The following ITGA4 variants were observed in gnomAD, a reference collection of about 807,000 sequenced individuals.
ITGA4 encodes the protein integrin subunit alpha 4.
ITGA4 carries 63 observed loss-of-function variants against 133.6 expected under a neutral mutation model. The observed-to-expected ratio is 0.47, with a 90% CI of 0.38 to 0.58. ITGA4 has a LOEUF of 0.58. Among genes scored for constraint, ITGA4 ranks in the 20% least tolerant of loss-of-function variants. The pLI is 0.00. For synonymous variants in ITGA4, 483 were observed against 438.0 expected (o/e 1.10, Z -1.28); for missense variants, 1,076 against 1,252.7 (o/e 0.86, Z 2.13).
intron 18 of ITGA4, among the ~76,000 whole-genome samples, chr2:181,522,979 A>G (rs1417986303): frequency 6.6e-6 from 1 of 152,202 alleles, no homozygotes; most frequent in African/African-American, 2.4e-5. Flanking sequence ...CCTTAAACAC[A>G]TTCTCACATA....
intron 4 of ITGA4, among the ~76,000 whole-genome samples, chr2:181,477,367 G>T (rs1331523872): frequency 1.3e-5 from 2 of 151,982 alleles, no homozygotes; most frequent in Admixed American, 6.6e-5. Flanking sequence ...AAACAAATGA[G>T]ACTATATTAG....
intron 11 of ITGA4, among the ~76,000 whole-genome samples, 174 bp downstream of exon 11, chr2:181,493,593 C>T (rs1433702939): frequency 6.6e-6 from 1 of 152,190 alleles, no homozygotes; most frequent in Non-Finnish European, 1.5e-5. Flanking sequence ...AATAACTCTT[C>T]AAACTCCCTT....
chr2:181,488,566 AT>A (rs533015676), intron 10 of ITGA4, among the ~76,000 whole-genome samples: 12 of 147,586 alleles, frequency 8.1e-5, no homozygotes, highest in Admixed American at 4.1e-4. Context: ...TTTTTATTTT[AT>A]TTTTTTTTTG....
At chr2:181,467,588 G>A (rs776092844) in intron 2 of ITGA4, among the ~76,000 whole-genome samples, 14 of 152,154 alleles carry the variant, frequency 9.2e-5, no homozygotes, top group Admixed American at 3.9e-4. Context: ...GAGGAAAAGA[G>A]CAGGGCAAGA....
chr2:181,457,916 A>G, intron 1 of ITGA4, 65 bp downstream of exon 1: 2 of 1,431,432 alleles, frequency 1.4e-6, no homozygotes, highest in Non-Finnish European at 9.5e-7. Context: ...CGCCCTAGGG[A>G]TTCCCTGCCC....
At chr2:181,472,940 A>G (rs1161283311) in intron 2 of ITGA4, among the ~76,000 whole-genome samples, 1 of 152,280 alleles carries the variant, frequency 6.6e-6, no homozygotes, top group Middle Eastern at 3.4e-3. Flanking sequence ...TTCCAATTCT[A>G]ATAGCAACCA....
intron 17 of ITGA4, among the ~76,000 whole-genome samples, chr2:181,514,295 A>G (rs544059866): frequency 7.0e-4 from 107 of 152,198 alleles, no homozygotes; most frequent in African/African-American, 2.5e-3. Flanking sequence ...TCAACTAGGA[A>G]TAAGTAAAAA....
chr2:181,519,268 A>C (rs1178720321), intron 17 of ITGA4, among the ~76,000 whole-genome samples: 2 of 152,136 alleles, frequency 1.3e-5, no homozygotes, highest in East Asian at 3.9e-4. Flanking sequence ...AACAAAACCA[A>C]GTTATATTAT....
chr2:181,532,924 T>TTATTGAGAGTTTTTAGCATGAAG (rs1432376405), intron 25 of ITGA4, among the ~76,000 whole-genome samples: 1 of 152,196 alleles, frequency 6.6e-6, no homozygotes, highest in Non-Finnish European at 1.5e-5. Context: ...AACACCTAGT[T>TTATTGAGAGTTTTTAGCATGAAG]TATTGAGAGT....
rs577451391 is a variant in ITGA4, at chr2:181,516,893, C to T, written c.1922+5118C>T. On this transcript the variant is annotated intron_variant, in intron 17 of 27. Transcript: ENST00000397033. This position sits in a 1 kb window ranked among gnomAD's most constrained non-coding sequence, Gnocchi z 4.0. ...GTCCATTTTTAAAATGGAAATAGTA[C>T]GAATATTTGGCTCACTGACAGCATA... Among the ~76,000 whole-genome samples the T allele has an allele frequency of 2.5e-4, 38 of 152,114 alleles. No homozygotes were observed. Among genetic ancestry groups the T allele is most frequent in the Admixed American group, 9.2e-4 (14 of 15,264 alleles).
Position 181,529,655 on chromosome 2 carries a change from A to C in ITGA4, c.2538+7A>C. ...CAACATTTTGGATGTCCAGGTAAAA[A>C]TGTATTTCTTCCATCTAACCTTTAT... On this transcript the variant is annotated splice_region_variant and intron_variant, in intron 23 of 27. Coordinates refer to ENST00000397033, the MANE Select transcript of ITGA4 (RefSeq NM_000885.6). 3 of 1,416,920 alleles carry C rather than the reference A, an allele frequency of 2.1e-6. No individual in the cohort carries two copies. The highest frequency in any genetic ancestry group is 3.0e-6 in the Non-Finnish European group (3 of 1,002,586). The allele number at this position is 1,416,920 out of a possible 1,614,324, so 87.8% of individuals were successfully genotyped here.
At chr2:181,459,183 C>G (rs963239644) in intron 2 of ITGA4, 1 of 152,160 alleles carries the variant, frequency 6.6e-6, no homozygotes, top group Admixed American at 6.5e-5. Flanking sequence ...CTCAGAGTTG[C>G]AAATACCTTT....
chr2:181,505,171 G>T (rs1686368790), intron 15 of ITGA4, among the ~76,000 whole-genome samples: 1 of 152,020 alleles, frequency 6.6e-6, no homozygotes, highest in South Asian at 2.1e-4. Context: ...TGTCTATGTG[G>T]ATTTGTGGAA....
chr2:181,517,290 C>G (rs994983798), intron 17 of ITGA4, among the ~76,000 whole-genome samples: 4 of 151,972 alleles, frequency 2.6e-5, no homozygotes, highest in Non-Finnish European at 5.9e-5. Flanking sequence ...AGCTATCAAG[C>G]CCTAATTCAT....
At chr2:181,499,737 TAACC>T (rs1686231331) in intron 15 of ITGA4, among the ~76,000 whole-genome samples, 1 of 152,224 alleles carries the variant, frequency 6.6e-6, no homozygotes. Flanking sequence ...AATATTAATG[TAACC>T]ATCATTTATA....
At chr2:181,458,368 G>T in intron 2 of ITGA4, 51 bp downstream of exon 2, 1 of 1,588,078 alleles carries the variant, frequency 6.3e-7, no homozygotes, top group Non-Finnish European at 8.6e-7. Flanking sequence ...CCCCCATGTG[G>T]ACCCCACCAT....
intron 15 of ITGA4, among the ~76,000 whole-genome samples, chr2:181,505,898 A>G (rs1686383069): frequency 6.6e-6 from 1 of 152,208 alleles, no homozygotes; most frequent in East Asian, 1.9e-4. Context: ...TCCTACACCT[A>G]GGGAATGATT....
At chr2:181,517,161 T>TAGACTACTTG (rs1240623233) in intron 17 of ITGA4, among the ~76,000 whole-genome samples, 1 of 152,064 alleles carries the variant, frequency 6.6e-6, no homozygotes, top group African/African-American at 2.4e-5. Context: ...CTTAGGCCTG[T>TAGACTACTTG]AGACTACTTG....
intron 4 of ITGA4, among the ~76,000 whole-genome samples, chr2:181,478,179 CAT>C (rs1410089538): frequency 2.0e-5 from 3 of 151,914 alleles, no homozygotes; most frequent in Admixed American, 6.6e-5. Context: ...AAGTCAAATA[CAT>C]AGAGAAGAAG....
Sources: gnomAD v4.1 joint callset for allele counts (sites outside exome capture counted in the v4.1 genomes callset) on GRCh38, gnomAD v4.1.1 for gene constraint, Gnocchi (gnomAD v3.1) non-coding constraint, MANE v1.5 for transcripts, NCBI Gene and HGNC (gene_info 2026-07-23, HGNC 2026-07-21) for gene names.